The following TLL1 variants were observed in gnomAD, a reference collection of about 807,000 sequenced individuals.
TLL1 encodes the protein tolloid like 1.
A neutral mutation model predicts 128.2 loss-of-function variants in TLL1; 49 were observed. That is an observed-to-expected ratio of 0.38 (90% CI 0.30 to 0.48). The LOEUF (loss-of-function observed/expected upper bound fraction) is 0.48. TLL1 is among the 20% of genes least tolerant of loss of function. TLL1 has a pLI of 0.96. For missense variants in TLL1, 1,123 were observed against 1,242.0 expected (o/e 0.90, Z 1.44); for synonymous variants, 454 against 418.8 (o/e 1.08, Z -1.03).
intron 1 of TLL1, among the ~76,000 whole-genome samples, chr4:165,891,580 C>T (rs1034850423): frequency 7.2e-5 from 11 of 152,218 alleles, no homozygotes; most frequent in African/African-American, 2.6e-4. Context: ...GGCAAAATGC[C>T]ACCAGCCTCC....
At chr4:165,973,968 C>T (rs1338041405) in intron 1 of TLL1, among the ~76,000 whole-genome samples, 3 of 150,884 alleles carry the variant, frequency 2.0e-5, no homozygotes, top group African/African-American at 7.3e-5. Flanking sequence ...GCCCAACCAG[C>T]GTTAGTTCTT....
chr4:165,897,258 T>C (rs1384365822), intron 1 of TLL1, among the ~76,000 whole-genome samples: 7 of 152,232 alleles, frequency 4.6e-5, no homozygotes, highest in Admixed American at 3.9e-4. Context: ...GTTTTGGCTT[T>C]TGTTGCCATT....
At chr4:166,077,525 C>T (rs77182076) in intron 17 of TLL1, among the ~76,000 whole-genome samples, 1,914 of 152,232 alleles carry the variant, frequency 0.013, 50 homozygotes, top group African/African-American at 0.043. Flanking sequence ...TTGAAAATGG[C>T]ATAGTCCAAT....
At chr4:166,059,765 C>T (rs1324075644) in intron 14 of TLL1, among the ~76,000 whole-genome samples, 1 of 151,772 alleles carries the variant, frequency 6.6e-6, no homozygotes, top group African/African-American at 2.4e-5. Context: ...TAAATTGCTC[C>T]CCCTACTTTA....
intron 1 of TLL1, among the ~76,000 whole-genome samples, chr4:165,890,304 A>G (rs1731340999): frequency 1.3e-5 from 2 of 152,098 alleles, no homozygotes; most frequent in Non-Finnish European, 1.5e-5. Flanking sequence ...CCAAAATCTC[A>G]TCTTCACATT....
intron 12 of TLL1, among the ~76,000 whole-genome samples, chr4:166,050,426 G>A (rs989546274): frequency 6.6e-6 from 1 of 152,136 alleles, no homozygotes; most frequent in Non-Finnish European, 1.5e-5. Flanking sequence ...ATCTCTACAA[G>A]ACTGTGCTTT....
intron 1 of TLL1, among the ~76,000 whole-genome samples, chr4:165,874,644 G>A (rs972110192): frequency 4.8e-4 from 73 of 152,232 alleles, no homozygotes; most frequent in Non-Finnish European, 1.2e-4. Context: ...TTCTAGATGG[G>A]ATTCTGATGC....
chr4:165,886,667 A>G (rs150398683), intron 1 of TLL1, among the ~76,000 whole-genome samples: 3 of 152,338 alleles, frequency 2.0e-5, no homozygotes, highest in African/African-American at 7.2e-5. Context: ...CATATGTTTG[A>G]AATCATCCCT....
chr4:166,031,559 G>A (rs1036459665), intron 9 of TLL1, among the ~76,000 whole-genome samples: 1 of 151,720 alleles, frequency 6.6e-6, no homozygotes. Flanking sequence ...GTAGGGACAG[G>A]GTTTCACCAT....
intron 12 of TLL1, among the ~76,000 whole-genome samples, chr4:166,052,074 A>T (rs1739765487): frequency 6.6e-6 from 1 of 152,260 alleles, no homozygotes; most frequent in South Asian, 2.1e-4. Context: ...AGTGAGTTTT[A>T]TAGACCAGGC....
intron 9 of TLL1, among the ~76,000 whole-genome samples, chr4:166,037,732 C>G (rs1019624569): frequency 6.6e-6 from 1 of 151,946 alleles, no homozygotes; most frequent in Non-Finnish European, 1.5e-5. Context: ...CGCTTCAACC[C>G]GGAAGGCAGA....
chr4:166,017,735 C>G (rs1441033876), intron 8 of TLL1, among the ~76,000 whole-genome samples: 1 of 152,032 alleles, frequency 6.6e-6, no homozygotes, highest in East Asian at 1.9e-4. Flanking sequence ...CTCAGCCACT[C>G]TGTGCATGTG....
intron 1 of TLL1, among the ~76,000 whole-genome samples, chr4:165,902,489 G>A (rs993042597): frequency 3.9e-5 from 6 of 152,096 alleles, no homozygotes; most frequent in East Asian, 1.9e-4. Context: ...AGAATGCACC[G>A]TTCCTCACCT....
At chr4:166,052,907 T>TA (rs547319016) in intron 12 of TLL1, among the ~76,000 whole-genome samples, 17 of 141,214 alleles carry the variant, frequency 1.2e-4, no homozygotes, top group African/African-American at 4.5e-4. Flanking sequence ...GTTCTCATAT[T>TA]TATAGAGAAC....
chr4:165,972,132 A>G (rs1417018587), intron 1 of TLL1, among the ~76,000 whole-genome samples: 1 of 152,142 alleles, frequency 6.6e-6, no homozygotes, highest in Non-Finnish European at 1.5e-5. Flanking sequence ...TGTGTGAATC[A>G]TACTTATATA....
At chr4:165,896,671 G>C (rs1731696316) in intron 1 of TLL1, among the ~76,000 whole-genome samples, 1 of 151,874 alleles carries the variant, frequency 6.6e-6, no homozygotes, top group African/African-American at 2.4e-5. Flanking sequence ...TTTTAGTAGA[G>C]ACAGGGTTTC....
chr4:166,077,309 C>T (rs1273034222), intron 17 of TLL1, among the ~76,000 whole-genome samples: 1 of 151,316 alleles, frequency 6.6e-6, no homozygotes, highest in Non-Finnish European at 1.5e-5. Flanking sequence ...ATCTCCAGGG[C>T]TAGTAGCTGT....
At position 166,029,773 on chromosome 4, in the gene TLL1, C is replaced by G. The variant is rs149624853; in HGVS notation, c.1158+4342C>G. ...GCATAGAGTATTTGTCCCTTTGTGA[C>G]TGGACTATCTCACTTAGCATAATGC... On this transcript the variant is annotated intron_variant, in intron 9 of 20. Transcript: ENST00000061240. Among the ~76,000 whole-genome samples the G allele has an allele frequency of 5.5e-3, 838 of 152,164 alleles. 3 individuals carry two copies. Among genetic ancestry groups the G allele is most frequent in the African/African-American group, 0.019 (790 of 41,550 alleles).
intron 8 of TLL1, among the ~76,000 whole-genome samples, chr4:166,016,583 G>T (rs549463540): frequency 6.6e-6 from 1 of 152,064 alleles, no homozygotes; most frequent in African/African-American, 2.4e-5. Context: ...GATTTCAATT[G>T]TGTAAAATAC....
Sources: allele counts gnomAD v4.1 joint callset (sites outside exome capture counted in the v4.1 genomes callset), GRCh38; gene constraint gnomAD v4.1.1; transcripts MANE v1.5; gene names NCBI Gene and HGNC (gene_info 2026-07-23, HGNC 2026-07-21).